AFF3: variants seen among roughly 807,000 people sequenced by gnomAD.
The protein encoded by AFF3 is ALF transcription elongation factor 3.
A neutral mutation model predicts 129.7 loss-of-function variants in AFF3; 32 were observed. The ratio of observed to expected loss-of-function variants is 0.25; its 90% confidence interval spans 0.19 to 0.33. The LOEUF (loss-of-function observed/expected upper bound fraction) is 0.33. Among genes scored for constraint, AFF3 ranks in the 10% least tolerant of loss-of-function variants. The pLI, the probability that AFF3 is intolerant of heterozygous loss-of-function variation, is 1.00. For missense variants in AFF3, 1,373 were observed against 1,592.0 expected, an observed-to-expected ratio of 0.86 and a Z score of 2.34; for synonymous variants, 644 against 635.4, an observed-to-expected ratio of 1.01 and a Z score of -0.20.
At chr2:99,953,412 A>G (rs887726465) in intron 7 of AFF3, among the ~76,000 whole-genome samples, 1 of 152,242 alleles carries the variant, frequency 6.6e-6, no homozygotes, top group African/African-American at 2.4e-5. Context: ...CAACACTCAC[A>G]AATGTGCATT....
intron 3 of AFF3, chr2:100,105,299 T>G (rs1573441930): frequency 7.4e-5 from 87 of 1,176,646 alleles, no homozygotes; most frequent in Non-Finnish European, 8.5e-5. Context: ...GCGGGGAGAG[T>G]GAGCTGTGCC....
chr2:99,613,310 A>G (rs899589887), intron 13 of AFF3, among the ~76,000 whole-genome samples: 4 of 152,182 alleles, frequency 2.6e-5, no homozygotes, highest in South Asian at 2.1e-4. Context: ...AAGTAATATA[A>G]AAGTTATCTG....
rs1689128909 is a variant in AFF3, at chr2:100,082,730, CA to C, written c.53+21671del. On this transcript the variant is annotated intron_variant, in intron 4 of 24. Transcript: ENST00000672756. ...TCATGGAGTAGTGACCTAGACAACT[CA>C]AATTCCAATTAATACTTGAAAAGCC... Among the ~76,000 whole-genome samples, 3 of 152,090 alleles carry C rather than the reference CA, an allele frequency of 2.0e-5. No individual in the cohort carries two copies. In the South Asian group the frequency reaches 6.2e-4, roughly 32 times the overall value.
chr2:99,638,807 A>G (rs1410483694), intron 13 of AFF3, among the ~76,000 whole-genome samples: 2 of 152,206 alleles, frequency 1.3e-5, no homozygotes. Flanking sequence ...TACACATAAC[A>G]TCAAATTGGC....
At position 99,548,187 on chromosome 2, in the gene AFF3, A is replaced by G. The variant is rs1674164759; in HGVS notation, c.*3287T>C. Reference sequence around the variant, plus strand: ...AGGATAGCATCTATTCAGGTCATGGAAGGATATGGTCAGTTGAACTTGTGT... The same window carrying G: ...AGGATAGCATCTATTCAGGTCATGGGAGGATATGGTCAGTTGAACTTGTGT... On this transcript the variant is annotated 3_prime_UTR_variant, in exon 25 of 25. Coordinates refer to ENST00000672756, the MANE Select transcript of AFF3 (RefSeq NM_001386135.1). 5.1e-6 allele frequency: 1 copy of G among 196,398 alleles called. No homozygotes were observed. The highest frequency in any genetic ancestry group is 2.3e-5 in the African/African-American group (1 of 43,338). The allele number at this position is 196,398 out of a possible 1,614,324, so 12.2% of individuals were successfully genotyped here. A position where few individuals can be genotyped will look rare whatever the true frequency, so the allele number is the denominator to read the frequency against.
intron 4 of AFF3, among the ~76,000 whole-genome samples, chr2:100,076,307 C>T (rs1688585811): frequency 6.6e-6 from 1 of 152,172 alleles, no homozygotes; most frequent in Admixed American, 6.5e-5. Flanking sequence ...AGGGCTTCTG[C>T]TGCAGAGAAC....
chr2:100,075,981 C>T (rs932395156), intron 4 of AFF3, among the ~76,000 whole-genome samples: 3 of 152,184 alleles, frequency 2.0e-5, no homozygotes, highest in African/African-American at 7.2e-5. Flanking sequence ...CAGTGTCTCT[C>T]TGCCATTCCA....
At chr2:99,601,871 C>T (rs970370450) in intron 13 of AFF3, among the ~76,000 whole-genome samples, 1 of 152,114 alleles carries the variant, frequency 6.6e-6, no homozygotes. Context: ...ACTGGTTATT[C>T]GTGTGGCCAT....
intron 19 of AFF3, among the ~76,000 whole-genome samples, chr2:99,566,364 G>C (rs1675966823): frequency 6.6e-6 from 1 of 151,952 alleles, no homozygotes; most frequent in East Asian, 1.9e-4. Context: ...GCTAAAATAG[G>C]ACAAAAAGTT....
chr2:100,123,514 G>A (rs1160315637), intron 2 of AFF3, among the ~76,000 whole-genome samples: 1 of 152,138 alleles, frequency 6.6e-6, no homozygotes, highest in Admixed American at 6.6e-5. Flanking sequence ...TGATTATTGG[G>A]CATACTCCAG....
chr2:99,692,983 C>T (rs770526675), intron 11 of AFF3, among the ~76,000 whole-genome samples: 1 of 152,256 alleles, frequency 6.6e-6, no homozygotes, highest in East Asian at 1.9e-4. Context: ...ACCATTCTCA[C>T]TCCAGCCTCG....
intron 11 of AFF3, among the ~76,000 whole-genome samples, chr2:99,674,721 A>C (rs1471892135): frequency 6.6e-6 from 1 of 152,100 alleles, no homozygotes; most frequent in Non-Finnish European, 1.5e-5. Context: ...GTTTAAATGG[A>C]CAATACTGTG....
intron 7 of AFF3, among the ~76,000 whole-genome samples, chr2:99,900,490 C>T (rs1195670093): frequency 6.6e-6 from 1 of 152,128 alleles, no homozygotes; most frequent in African/African-American, 2.4e-5. Flanking sequence ...TAATTCTTGC[C>T]TTCACACAGA....
intron 7 of AFF3, among the ~76,000 whole-genome samples, chr2:99,905,294 G>A (rs940015862): frequency 6.6e-5 from 10 of 152,182 alleles, no homozygotes; most frequent in African/African-American, 1.9e-4. Flanking sequence ...GCCTAACCCT[G>A]CCTGTCTGGG....
chr2:99,793,075 C>A (rs1432452719), intron 8 of AFF3, among the ~76,000 whole-genome samples: 3 of 152,114 alleles, frequency 2.0e-5, no homozygotes, highest in African/African-American at 7.2e-5. Context: ...GGAGGTGGGG[C>A]CTATTGAGAG....
chr2:99,934,362 T>C (rs115746143), intron 7 of AFF3, among the ~76,000 whole-genome samples: 1,872 of 152,276 alleles, frequency 0.012, 48 homozygotes, highest in African/African-American at 0.043. Flanking sequence ...TTTCATAAAG[T>C]TCTGCTTAAA....
At chr2:100,083,011 C>T (rs1173144438) in intron 4 of AFF3, among the ~76,000 whole-genome samples, 1 of 152,052 alleles carries the variant, frequency 6.6e-6, no homozygotes, top group Admixed American at 6.6e-5. Flanking sequence ...ACCCGGGAGG[C>T]GGAGGTTGTG....
At chr2:99,656,432 C>A (rs1011948067) in intron 12 of AFF3, among the ~76,000 whole-genome samples, 1 of 152,196 alleles carries the variant, frequency 6.6e-6, no homozygotes, top group Non-Finnish European at 1.5e-5. Flanking sequence ...TATCCATATT[C>A]AAATACTTGA....
intron 7 of AFF3, among the ~76,000 whole-genome samples, chr2:99,950,395 G>C (rs1157322833): frequency 1.3e-5 from 2 of 152,150 alleles, no homozygotes; most frequent in African/African-American, 2.4e-5. Context: ...ATGTGGTAGA[G>C]GTTCTAGGAG....
Sources: gnomAD v4.1 joint callset for allele counts (sites outside exome capture counted in the v4.1 genomes callset) on GRCh38, gnomAD v4.1.1 for gene constraint, MANE v1.5 for transcripts, NCBI Gene and HGNC (gene_info 2026-07-23, HGNC 2026-07-21) for gene names.